The following MPDZ variants were observed in gnomAD, a reference collection of about 807,000 sequenced individuals.
MPDZ encodes multiple PDZ domain crumbs cell polarity complex component.
In MPDZ, 234 loss-of-function variants were observed where a neutral mutation model predicts 239.1. That is an observed-to-expected ratio of 0.98 (90% CI 0.88 to 1.09). The LOEUF is 1.09. Among genes scored for constraint, MPDZ ranks in the 50% least tolerant of loss-of-function variants. MPDZ has a pLI of 0.00. For synonymous variants in MPDZ, 1,048 were observed against 881.3 expected, an observed-to-expected ratio of 1.19 and a Z score of -3.35; for missense variants, 3,175 against 2,510.0, an observed-to-expected ratio of 1.26 and a Z score of -5.66.
chr9:13,164,310 T>C (rs1950802608), intron 22 of MPDZ, among the ~76,000 whole-genome samples: 1 of 152,206 alleles, frequency 6.6e-6, no homozygotes, highest in South Asian at 2.1e-4. Flanking sequence ...TACAAAAATA[T>C]ATTGAATAGC....
At chr9:13,235,321 A>G (rs973003419) in intron 3 of MPDZ, among the ~76,000 whole-genome samples, 8 of 152,194 alleles carry the variant, frequency 5.3e-5, no homozygotes, top group Admixed American at 1.3e-4. Flanking sequence ...AGGGAAAACA[A>G]TATTTTCAAA....
chr9:13,108,854 G>A (rs889058919), intron 46 of MPDZ, 82 bp downstream of exon 46: 3 of 1,429,800 alleles, frequency 2.1e-6, no homozygotes, highest in East Asian at 2.5e-5. Flanking sequence ...ATTACCTCAG[G>A]CCATAAACTA....
intron 3 of MPDZ, among the ~76,000 whole-genome samples, chr9:13,227,948 G>A (rs549771925): frequency 1.9e-4 from 29 of 152,184 alleles, no homozygotes; most frequent in African/African-American, 6.5e-4. Context: ...CTTTGATTAT[G>A]CTGTAATTGT....
rs767081196 is a variant in MPDZ, at chr9:13,190,111, T to TA, written c.2154+2dup. The TA allele has an allele frequency of 4.3e-6, 7 of 1,610,186 alleles. No homozygotes were observed. Among genetic ancestry groups the TA allele is most frequent in the Non-Finnish European group, 5.9e-6 (7 of 1,178,042 alleles). On this transcript the variant is annotated splice_region_variant and intron_variant, in intron 16 of 46. Transcript: ENST00000319217. Reference sequence around the variant, plus strand: ...AAAATTGTTAAAAGTAGTATATACTTACCTGATAATCTAAAATGCTAAAAC... The same window carrying TA: ...AAAATTGTTAAAAGTAGTATATACTTAACCTGATAATCTAAAATGCTAAAAC...
At chr9:13,250,771 A>G (rs1387219573) in intron 1 of MPDZ, among the ~76,000 whole-genome samples, 2 of 152,094 alleles carry the variant, frequency 1.3e-5, no homozygotes, top group Non-Finnish European at 2.9e-5. Context: ...AAAGTAGAAA[A>G]TGTGATCCTG....
intron 2 of MPDZ, among the ~76,000 whole-genome samples, chr9:13,248,422 C>A (rs532194856): frequency 6.6e-6 from 1 of 151,982 alleles, no homozygotes; most frequent in Non-Finnish European, 1.5e-5. Context: ...CACAAAGTTG[C>A]TAAAAGTAAA....
intron 24 of MPDZ, among the ~76,000 whole-genome samples, chr9:13,153,275 A>G (rs1929541): frequency 0.43 from 65,563 of 151,928 alleles, 16,054 homozygotes; most frequent in African/African-American, 0.67. Flanking sequence ...CTGCAAATCT[A>G]TAACTCTAGA....
chr9:13,262,447 T>C (rs1257478828), intron 1 of MPDZ, among the ~76,000 whole-genome samples: 1 of 151,886 alleles, frequency 6.6e-6, no homozygotes, highest in Non-Finnish European at 1.5e-5. Flanking sequence ...AAAGACCCTG[T>C]CTCAAAAAAA....
intron 3 of MPDZ, among the ~76,000 whole-genome samples, chr9:13,238,438 G>A (rs927530411): frequency 1.3e-5 from 2 of 152,078 alleles, no homozygotes; most frequent in Non-Finnish European, 2.9e-5. Context: ...TCTCAAGCCC[G>A]CCTATAAAAT....
At chr9:13,119,999 G>A (rs1944090705) in intron 38 of MPDZ, 1 of 228,642 alleles carries the variant, frequency 4.4e-6, no homozygotes. Flanking sequence ...AAAATCTGCT[G>A]TTCTTTCCAA....
At chr9:13,173,113 TAGAG>T (rs1232954121) in intron 21 of MPDZ, among the ~76,000 whole-genome samples, 1 of 152,204 alleles carries the variant, frequency 6.6e-6, no homozygotes, top group Non-Finnish European at 1.5e-5. Context: ...AGGGGACTGG[TAGAG>T]AGAGCAATGG....
chr9:13,114,632 T>C (rs1490448148), intron 40 of MPDZ, among the ~76,000 whole-genome samples: 1 of 152,198 alleles, frequency 6.6e-6, no homozygotes, highest in East Asian at 1.9e-4. Context: ...CCAGGTACGG[T>C]GGCTCATGCC....
chr9:13,168,603 G>A, intron 21 of MPDZ, 39 bp from the exon 22 acceptor site: 1 of 1,323,638 alleles, frequency 7.6e-7, no homozygotes, highest in Non-Finnish European at 1.0e-6. Context: ...TTAAATACAT[G>A]ATTTTTCAAT....
At chr9:13,248,787 G>C (rs1164169855) in intron 2 of MPDZ, among the ~76,000 whole-genome samples, 1 of 150,754 alleles carries the variant, frequency 6.6e-6, no homozygotes, top group East Asian at 1.9e-4. Flanking sequence ...GGCCAACATG[G>C]TAAAACCTCA....
intron 3 of MPDZ, among the ~76,000 whole-genome samples, chr9:13,245,592 G>C (rs1255304680): frequency 6.6e-6 from 1 of 152,164 alleles, no homozygotes; most frequent in Non-Finnish European, 1.5e-5. Flanking sequence ...ATATGAACAT[G>C]TGATCAAGGA....
chr9:13,143,648 T>A, intron 26 of MPDZ, 84 bp from the exon 27 acceptor site: 2 of 1,018,468 alleles, frequency 2.0e-6, no homozygotes, highest in Non-Finnish European at 1.6e-6. Context: ...CATACCGATT[T>A]AAAGAACTGC....
intron 12 of MPDZ, among the ~76,000 whole-genome samples, chr9:13,203,845 G>A (rs927007666): frequency 1.3e-5 from 2 of 151,810 alleles, no homozygotes; most frequent in Admixed American, 6.6e-5. Context: ...ATGGTTCTGC[G>A]CCTTGGAGAC....
intron 12 of MPDZ, among the ~76,000 whole-genome samples, chr9:13,202,668 G>C (rs1956527215): frequency 6.6e-6 from 1 of 152,182 alleles, no homozygotes; most frequent in South Asian, 2.1e-4. Flanking sequence ...TACCAGACCA[G>C]TGGAGAGAAT....
intron 3 of MPDZ, among the ~76,000 whole-genome samples, chr9:13,235,430 G>T (rs536762970): frequency 8.5e-5 from 13 of 152,238 alleles, no homozygotes; most frequent in Middle Eastern, 6.8e-3. Flanking sequence ...CTAGGTGATA[G>T]GGATAGTAAT....
Sources: allele counts gnomAD v4.1 joint callset (sites outside exome capture counted in the v4.1 genomes callset), GRCh38; gene constraint gnomAD v4.1.1; transcripts MANE v1.5; gene names NCBI Gene and HGNC (gene_info 2026-07-23, HGNC 2026-07-21).